AKT3: variants seen among roughly 807,000 people sequenced by gnomAD.
The protein encoded by AKT3 is AKT serine/threonine kinase 3.
In AKT3, 15 loss-of-function variants were observed where a neutral mutation model predicts 65.3. The observed-to-expected ratio is 0.23, with a 90% CI of 0.15 to 0.35. The LOEUF is 0.35. Among genes scored for constraint, AKT3 ranks in the 10% least tolerant of loss-of-function variants. The pLI is 1.00. For missense variants in AKT3, 243 were observed against 576.5 expected, an observed-to-expected ratio of 0.42 and a Z score of 5.92; for synonymous variants, 206 against 183.8, an observed-to-expected ratio of 1.12 and a Z score of -0.98.
chr1:243,776,603 G>A (rs1039560276), intron 2 of AKT3, among the ~76,000 whole-genome samples: 1 of 152,164 alleles, frequency 6.6e-6, no homozygotes, highest in African/African-American at 2.4e-5. Context: ...CCTAGACTAT[G>A]AAATTTTGTT....
Position 243,798,439 on chromosome 1 carries a change from G to A in AKT3, c.46+44686C>T, listed in dbSNP as rs554311899. 1.0e-4 allele frequency among the ~76,000 whole-genome samples: 11 copies of A among 110,098 alleles called. No homozygotes were observed. The South Asian group carries it at 1.7e-3, about 17-fold the overall frequency. The allele number at this position is 110,098 out of a possible 152,430, so 72.2% of individuals were successfully genotyped here. On this transcript the variant is annotated intron_variant, in intron 2 of 13. Transcript: ENST00000673466. Reference sequence around the variant, plus strand: ...TTTTGTTTTGTAGAGATGTGGTCTCGCTATGTTACAGGCTGGTCTCAAACT... The same window carrying A: ...TTTTGTTTTGTAGAGATGTGGTCTCACTATGTTACAGGCTGGTCTCAAACT...
rs143406380 is a variant in AKT3 at position 243,799,379 on chromosome 1, C to T, written c.46+43746G>A. Among the ~76,000 whole-genome samples, 12 of 152,236 alleles carry T rather than the reference C, an allele frequency of 7.9e-5. No homozygotes were observed. In the East Asian group the frequency reaches 1.5e-3, roughly 20 times the overall value. ...TTGGGTTTTGTTTAATTTCATTGAACGTTTACATTTAAATTCTGAGAACTG... is the reference window on the plus strand; with the variant it reads ...TTGGGTTTTGTTTAATTTCATTGAATGTTTACATTTAAATTCTGAGAACTG... On this transcript the variant is annotated intron_variant, in intron 2 of 13. Coordinates refer to ENST00000673466, the MANE Select transcript of AKT3 (RefSeq NM_005465.7).
At chr1:243,573,775 CA>C (rs1163074754) in intron 8 of AKT3, among the ~76,000 whole-genome samples, 1 of 152,136 alleles carries the variant, frequency 6.6e-6, no homozygotes, top group Non-Finnish European at 1.5e-5. Flanking sequence ...ATTTCCTAGT[CA>C]ACCTCTTAAA....
At chr1:243,601,491 C>G (rs761513944) in intron 8 of AKT3, among the ~76,000 whole-genome samples, 1 of 151,982 alleles carries the variant, frequency 6.6e-6, no homozygotes, top group Non-Finnish European at 1.5e-5. Flanking sequence ...AATGGTATGG[C>G]TGATTTTGAA....
chr1:243,825,814 G>C (rs994206602), intron 2 of AKT3, among the ~76,000 whole-genome samples: 1 of 152,050 alleles, frequency 6.6e-6, no homozygotes, highest in Non-Finnish European at 1.5e-5. Flanking sequence ...ATCACTTCAG[G>C]ATACCAAAAC....
intron 10 of AKT3, among the ~76,000 whole-genome samples, chr1:243,556,872 C>T (rs1574602509): frequency 6.6e-6 from 1 of 152,154 alleles, no homozygotes; most frequent in East Asian, 1.9e-4. Context: ...GAAAAGTATC[C>T]ATTTCAATAC....
intron 3 of AKT3, among the ~76,000 whole-genome samples, chr1:243,695,186 C>T (rs1457313904): frequency 6.6e-6 from 1 of 151,854 alleles, no homozygotes; most frequent in East Asian, 1.9e-4. Context: ...TAATATAAAT[C>T]ACCTGTTTCT....
intron 12 of AKT3, among the ~76,000 whole-genome samples, chr1:243,536,760 A>T (rs186420900): frequency 1.3e-5 from 2 of 152,292 alleles, no homozygotes; most frequent in East Asian, 3.9e-4. Flanking sequence ...TCCTAAGTAC[A>T]ATGCCTCATG....
At chr1:243,635,682 A>G (rs1679922351) in intron 6 of AKT3, among the ~76,000 whole-genome samples, 1 of 152,024 alleles carries the variant, frequency 6.6e-6, no homozygotes, top group Non-Finnish European at 1.5e-5. Flanking sequence ...TTCCTCTAAG[A>G]TACTGATTAC....
At chr1:243,596,650 G>C (rs185689628) in intron 8 of AKT3, among the ~76,000 whole-genome samples, 8 of 152,238 alleles carry the variant, frequency 5.3e-5, no homozygotes, top group Admixed American at 5.2e-4. Context: ...ACTGTAAAAT[G>C]ACACAACAGT....
chr1:243,784,886 G>A (rs1272220706), intron 2 of AKT3, among the ~76,000 whole-genome samples: 7 of 151,672 alleles, frequency 4.6e-5, no homozygotes, highest in East Asian at 1.9e-4. Context: ...TCAGCCTCCC[G>A]AGTAGCTGGG....
chr1:243,634,355 C>T (rs990423251), intron 6 of AKT3, among the ~76,000 whole-genome samples: 1 of 151,800 alleles, frequency 6.6e-6, no homozygotes, highest in Non-Finnish European at 1.5e-5. Context: ...TTTTTTCCTA[C>T]ACATACTACC....
At chr1:243,630,508 C>G (rs1309595974) in intron 6 of AKT3, among the ~76,000 whole-genome samples, 1 of 152,210 alleles carries the variant, frequency 6.6e-6, no homozygotes, top group Non-Finnish European at 1.5e-5. Flanking sequence ...CAAGCAAGTT[C>G]TAAACCCAGC....
chr1:243,540,043 C>T (rs1672204485), intron 12 of AKT3, among the ~76,000 whole-genome samples: 1 of 152,078 alleles, frequency 6.6e-6, no homozygotes, highest in Non-Finnish European at 1.5e-5. Context: ...AAATCCCATA[C>T]AAACAATTCA....
intron 2 of AKT3, among the ~76,000 whole-genome samples, chr1:243,831,703 A>G (rs1344339967): frequency 2.0e-5 from 3 of 152,156 alleles, no homozygotes; most frequent in African/African-American, 7.2e-5. Flanking sequence ...AGAGCAGTGA[A>G]TAATATTACT....
chr1:243,686,095 G>A (rs1365553853), intron 3 of AKT3, among the ~76,000 whole-genome samples: 2 of 152,088 alleles, frequency 1.3e-5, no homozygotes, highest in Non-Finnish European at 2.9e-5. Context: ...ACTGCTCAAG[G>A]AAATAAGAGA....
intron 2 of AKT3, among the ~76,000 whole-genome samples, chr1:243,750,296 G>A (rs1688723070): frequency 6.6e-6 from 1 of 151,798 alleles, no homozygotes; most frequent in Non-Finnish European, 1.5e-5. Context: ...CATACATTTT[G>A]TATCATCTTT....
intron 3 of AKT3, among the ~76,000 whole-genome samples, chr1:243,687,023 G>A (rs1282529442): frequency 6.6e-6 from 1 of 151,878 alleles, no homozygotes; most frequent in East Asian, 1.9e-4. Flanking sequence ...TAGCTCCATT[G>A]TTCAAAGATG....
downstream of AKT3, among the ~76,000 whole-genome samples, chr1:243,499,442 C>T (rs550766620): frequency 2.0e-5 from 3 of 152,324 alleles, no homozygotes; most frequent in East Asian, 5.8e-4. Context: ...TGTGTCCTTT[C>T]CCGGACAGAA....
Sources: allele counts gnomAD v4.1 joint callset (sites outside exome capture counted in the v4.1 genomes callset), GRCh38; gene constraint gnomAD v4.1.1; transcripts MANE v1.5; gene names NCBI Gene and HGNC (gene_info 2026-07-23, HGNC 2026-07-21).